The following RPS6KA5 variants were observed in gnomAD, a reference collection of about 807,000 sequenced individuals.
The protein encoded by RPS6KA5 is ribosomal protein S6 kinase A5.
Under a neutral mutation model 85.5 loss-of-function variants are expected in RPS6KA5, and 27 were observed. The observed-to-expected ratio is 0.32, with a 90% CI of 0.23 to 0.44. The LOEUF is 0.44. RPS6KA5 is among the 20% of genes least tolerant of loss of function. RPS6KA5 has a pLI of 1.00. For synonymous variants in RPS6KA5, 334 were observed against 348.2 expected, an observed-to-expected ratio of 0.96 and a Z score of 0.46; for missense variants, 811 against 980.9, an observed-to-expected ratio of 0.83 and a Z score of 2.31.
chr14:90,976,759 G>T (rs2039587745), intron 3 of RPS6KA5, among the ~76,000 whole-genome samples: 2 of 152,158 alleles, frequency 1.3e-5, no homozygotes. Context: ...GAGGAGAGAA[G>T]AGAGTGTGTC....
chr14:91,005,452 C>T (rs1251322233), intron 1 of RPS6KA5, among the ~76,000 whole-genome samples: 1 of 152,120 alleles, frequency 6.6e-6, no homozygotes, highest in Admixed American at 6.5e-5. Flanking sequence ...ATTACATCTA[C>T]TGGCAAAGTA....
At chr14:90,887,524 T>A (rs1033844917) in intron 14 of RPS6KA5, among the ~76,000 whole-genome samples, 6 of 151,900 alleles carry the variant, frequency 3.9e-5, no homozygotes, top group Non-Finnish European at 7.4e-5. Context: ...AATATCAGTA[T>A]CACATCTAAA....
chr14:91,049,019 A>G (rs1396328068), intron 1 of RPS6KA5, among the ~76,000 whole-genome samples: 1 of 152,196 alleles, frequency 6.6e-6, no homozygotes, highest in East Asian at 1.9e-4. Flanking sequence ...CTGATACAGT[A>G]TTAGACTTAA....
intron 3 of RPS6KA5, among the ~76,000 whole-genome samples, chr14:90,975,520 G>A (rs967665854): frequency 6.6e-6 from 1 of 152,168 alleles, no homozygotes; most frequent in African/African-American, 2.4e-5. Flanking sequence ...CATGCGTAGG[G>A]GGACAACATG....
intron 1 of RPS6KA5, among the ~76,000 whole-genome samples, chr14:91,031,701 A>C (rs945817106): frequency 6.6e-6 from 1 of 152,172 alleles, no homozygotes; most frequent in African/African-American, 2.4e-5. Flanking sequence ...CAGGAAAAAC[A>C]ACCAAAAAAA....
At chr14:90,897,667 T>C (rs1040140734) in intron 12 of RPS6KA5, among the ~76,000 whole-genome samples, 6 of 152,226 alleles carry the variant, frequency 3.9e-5, no homozygotes, top group African/African-American at 1.4e-4. Context: ...CTCCTGAATA[T>C]ATAAATAGCA....
At chr14:90,954,196 T>C (rs961271233) in intron 3 of RPS6KA5, among the ~76,000 whole-genome samples, 5 of 152,246 alleles carry the variant, frequency 3.3e-5, no homozygotes, top group East Asian at 3.8e-4. Context: ...CATTGAAATA[T>C]TGGGGACAGG....
chr14:91,004,797 C>T (rs912104540), intron 1 of RPS6KA5, among the ~76,000 whole-genome samples: 6 of 151,870 alleles, frequency 4.0e-5, no homozygotes, highest in African/African-American at 1.5e-4. Context: ...GAAACCCCGT[C>T]TCTACTAAAA....
chr14:90,895,911 A>G, intron 12 of RPS6KA5, among the ~76,000 whole-genome samples: 1 of 152,184 alleles, frequency 6.6e-6, no homozygotes, highest in South Asian at 2.1e-4. Flanking sequence ...CAAAGGACTT[A>G]ATCAGCTCTC....
intron 5 of RPS6KA5, among the ~76,000 whole-genome samples, chr14:90,934,936 C>T (rs1224646929): frequency 6.6e-6 from 1 of 152,144 alleles, no homozygotes; most frequent in African/African-American, 2.4e-5. Context: ...TCTAGGTCTC[C>T]TATTTTCCCA....
At chr14:90,974,371 T>C (rs1194820621) in intron 3 of RPS6KA5, among the ~76,000 whole-genome samples, 2 of 152,202 alleles carry the variant, frequency 1.3e-5, no homozygotes, top group African/African-American at 4.8e-5. Context: ...CATTCCTGGA[T>C]TGGACAAACA....
intron 2 of RPS6KA5, among the ~76,000 whole-genome samples, chr14:90,994,534 T>C (rs2040433007): frequency 6.6e-6 from 1 of 151,420 alleles, no homozygotes; most frequent in African/African-American, 2.4e-5. Context: ...CTTTCACTCA[T>C]AGTGCTTTGC....
intron 14 of RPS6KA5, among the ~76,000 whole-genome samples, chr14:90,879,683 G>A (rs767097485): frequency 3.3e-5 from 5 of 152,068 alleles, no homozygotes; most frequent in East Asian, 3.8e-4. Context: ...CTGCACCCTT[G>A]GGATTATGCT....
intron 4 of RPS6KA5, 119 bp downstream of exon 4, chr14:90,947,316 A>T (rs2037923137): frequency 3.4e-6 from 2 of 589,888 alleles, no homozygotes; most frequent in Non-Finnish European, 3.0e-6. Flanking sequence ...ATGTTCTATA[A>T]GTATGCTTTC....
chr14:90,888,445 C>T, intron 14 of RPS6KA5, among the ~76,000 whole-genome samples: 1 of 151,890 alleles, frequency 6.6e-6, no homozygotes, highest in South Asian at 2.1e-4. Context: ...AATTTAAGTC[C>T]TTCAACAAAA....
intron 3 of RPS6KA5, among the ~76,000 whole-genome samples, chr14:90,972,552 G>T (rs543391282): frequency 2.0e-5 from 3 of 152,162 alleles, no homozygotes; most frequent in Non-Finnish European, 4.4e-5. Context: ...TTAGCTATTT[G>T]AAAAAGATTA....
intron 7 of RPS6KA5, among the ~76,000 whole-genome samples, chr14:90,908,413 T>C (rs1247439941): frequency 1.3e-5 from 2 of 152,150 alleles, no homozygotes; most frequent in African/African-American, 2.4e-5. Flanking sequence ...GAAAATCCTA[T>C]GGCCAGAAGC....
intron 3 of RPS6KA5, among the ~76,000 whole-genome samples, chr14:90,958,109 T>C (rs1007113663): frequency 2.0e-5 from 3 of 152,222 alleles, no homozygotes; most frequent in African/African-American, 7.2e-5. Flanking sequence ...ACTGTGCTAC[T>C]GCACTCCAGC....
chr14:91,015,163 G>A (rs1392121520), intron 1 of RPS6KA5, among the ~76,000 whole-genome samples: 1 of 152,164 alleles, frequency 6.6e-6, no homozygotes, highest in Non-Finnish European at 1.5e-5. Flanking sequence ...TCAAAAGCTA[G>A]TTCCCTCAAG....
Sources: gnomAD v4.1 joint callset for allele counts (sites outside exome capture counted in the v4.1 genomes callset) on GRCh38, gnomAD v4.1.1 for gene constraint, MANE v1.5 for transcripts, NCBI Gene and HGNC (gene_info 2026-07-23, HGNC 2026-07-21) for gene names.